Variants in NR4A3 observed in about 807,000 individuals in gnomAD.
NR4A3 encodes chondrosarcoma, extraskeletal myxoid, fused to EWS.
In NR4A3, 13 loss-of-function variants were observed where a neutral mutation model predicts 55.6. That is an observed-to-expected ratio of 0.23 (90% confidence interval 0.15 to 0.37). The LOEUF is 0.37. Ranked by LOEUF, NR4A3 falls within the 10% of genes least tolerant of loss-of-function variation. The probability of loss-of-function intolerance (pLI) is 1.00; values close to 1 mark genes in which losing one functional copy is unlikely to be tolerated. For missense variants in NR4A3, 646 were observed against 822.8 expected (o/e 0.79, Z 2.63); for synonymous variants, 342 against 357.9 (o/e 0.96, Z 0.50).
Position 99,828,960 on chromosome 9 carries a change from G to T in NR4A3, c.918G>T (p.Val306=). Residue 306 remains valine, a synonymous_variant, in exon 3 of 8, where the codon GTG becomes GTT. Coordinates refer to ENST00000395097, the MANE Select transcript of NR4A3 (RefSeq NM_006981.4). The surrounding 1 kb of genome is among the most constrained non-coding windows in gnomAD (Gnocchi z 7.7). The part of the protein sequence containing the change: ...GDNAACQHYG[V]RTCEGCKGFF... ...ACGCCGCCTGCCAGCACTACGGCGTGCGAACCTGCGAGGGCTGCAAGGGCT... is the reference window on the plus strand; with the variant it reads ...ACGCCGCCTGCCAGCACTACGGCGTTCGAACCTGCGAGGGCTGCAAGGGCT... 7.1e-7 allele frequency: 1 copy of T among 1,412,206 alleles called. No homozygotes were observed. Among genetic ancestry groups the T allele is most frequent in the Non-Finnish European group, 9.2e-7 (1 of 1,081,480 alleles). The allele number at this position is 1,412,206 out of a possible 1,614,324, so 87.5% of individuals were successfully genotyped here.
chr9:99,840,012 T>C (rs751165569), intron 5 of NR4A3, among the ~76,000 whole-genome samples: 2 of 152,252 alleles, frequency 1.3e-5, no homozygotes, highest in Non-Finnish European at 2.9e-5. Flanking sequence ...TAAAACGTTT[T>C]GTTCCGTTCC....
At position 99,833,263 on chromosome 9, in the gene NR4A3, T is replaced by A. The variant is rs1435750127; in HGVS notation, c.1082-19T>A. 6.4e-7 allele frequency: 1 copy of A among 1,561,572 alleles called. No individual in the cohort carries two copies. The highest frequency in any genetic ancestry group is 1.2e-5 in the South Asian group (1 of 84,216). On this transcript the variant is annotated intron_variant, in intron 4 of 7. Transcript: ENST00000395097. The stretch of plus-strand genomic sequence containing the variant: ...CCATAATCTTTGAAGATTGTTTTCT[T>A]TGTCTCTTTTGGCATCAGTTGTCCG...
intron 5 of NR4A3, among the ~76,000 whole-genome samples, chr9:99,836,523 T>TG (rs778417432): frequency 6.6e-5 from 10 of 152,346 alleles, no homozygotes; most frequent in Non-Finnish European, 1.5e-4. Context: ...TTACTGTTTC[T>TG]GGGAACTTGT....
At position 99,828,598 on chromosome 9, in the gene NR4A3, G is replaced by A. The variant is rs1387728457; in HGVS notation, c.556G>A (p.Ala186Thr). 6.5e-7 allele frequency: 1 copy of A among 1,547,580 alleles called. No homozygotes were observed. The highest frequency in any genetic ancestry group is 8.6e-7 in the Non-Finnish European group (1 of 1,157,220). Reference sequence around the variant, plus strand: ...GAAGGCGGTCCCCACGGTGGCCGGCGCGCGCTTCCCGCTCTTCCACTTCAA... The same window carrying A: ...GAAGGCGGTCCCCACGGTGGCCGGCACGCGCTTCCCGCTCTTCCACTTCAA... ...PMKAVPTVAG[A>T]RFPLFHFKPS... is the part of the protein sequence containing the mutation. Residue 186 changes from alanine to threonine, a missense_variant, in exon 3 of 8, where the codon GCG becomes ACG. By Grantham distance (58) the Ala-to-Thr change is moderately conservative (BLOSUM62 0). Transcript: ENST00000395097. This position sits in a 1 kb window ranked among gnomAD's most constrained non-coding sequence, Gnocchi z 7.7.
intron 5 of NR4A3, chr9:99,833,877 A>G: frequency 2.4e-6 from 3 of 1,254,694 alleles, no homozygotes; most frequent in Non-Finnish European, 3.0e-6. Context: ...GCATTGATTG[A>G]CCTGCTGCTT....
At chr9:99,834,897 A>G in intron 5 of NR4A3, 1 of 985,018 alleles carries the variant, frequency 1.0e-6, no homozygotes. Context: ...TCAAGTCTCA[A>G]ATAATAGTGT....
At position 99,844,367 on chromosome 9, in the gene NR4A3, C is replaced by G. The variant is rs796722099; in HGVS notation, c.1255-282C>G. On this transcript the variant is annotated intron_variant, in intron 5 of 7. Coordinates refer to ENST00000395097, the MANE Select transcript of NR4A3 (RefSeq NM_006981.4). Reference sequence around the variant, plus strand: ...AGACAAGAGTTGTTTCTTCAAGCTCCCCAGGTGATTGCACTGCACAGTCAA... The same window carrying G: ...AGACAAGAGTTGTTTCTTCAAGCTCGCCAGGTGATTGCACTGCACAGTCAA... Among the ~76,000 whole-genome samples the G allele has an allele frequency of 6.6e-5, 10 of 152,280 alleles. No homozygotes were observed. The East Asian group carries it at 1.7e-3, about 26-fold the overall frequency.
At chr9:99,850,386 T>C (rs777292332) in intron 7 of NR4A3, among the ~76,000 whole-genome samples, 1 of 152,112 alleles carries the variant, frequency 6.6e-6, no homozygotes, top group African/African-American at 2.4e-5. Context: ...TAAATGGAAA[T>C]TGACAGATAT....
Position 99,863,890 on chromosome 9 carries a change from C to T in NR4A3, c.*23C>T, listed in dbSNP as rs143681814. 1,232 of 1,600,694 alleles carry T rather than the reference C, an allele frequency of 7.7e-4. 12 individuals are homozygous for T. The African/African-American group carries it at 0.015, about 19-fold the overall frequency. ...TAATCAGGAGCAGTGGAGCAGTGAG[C>T]TGCCTCCTCTCCTAGCACCTGCTTG... On this transcript the variant is annotated 3_prime_UTR_variant, in exon 8 of 8. Coordinates refer to ENST00000395097, the MANE Select transcript of NR4A3 (RefSeq NM_006981.4).
At chr9:99,852,891 G>A (rs940257571) in intron 7 of NR4A3, among the ~76,000 whole-genome samples, 2 of 152,160 alleles carry the variant, frequency 1.3e-5, no homozygotes, top group Non-Finnish European at 2.9e-5. Flanking sequence ...TGGTTACCTG[G>A]TTACCCCTGC....
intron 5 of NR4A3, chr9:99,834,755 A>C (rs1587876960): frequency 1.0e-6 from 1 of 982,640 alleles, no homozygotes; most frequent in Non-Finnish European, 1.2e-6. Context: ...CCTCTTCCCC[A>C]CCCTCATTAT....
At position 99,829,016 on chromosome 9, in the gene NR4A3, C is replaced by T. The variant is rs377613134; in HGVS notation, c.951+23C>T. ...AAGGTGAGCGCACGCCGCCCCCTCCCCTCCGCACCCAGCCCCCTCACTGAA... is the reference window on the plus strand; with the variant it reads ...AAGGTGAGCGCACGCCGCCCCCTCCTCTCCGCACCCAGCCCCCTCACTGAA... On this transcript the variant is annotated intron_variant, in intron 3 of 7. Coordinates refer to ENST00000395097, the MANE Select transcript of NR4A3 (RefSeq NM_006981.4). 131 of 1,316,150 alleles carry T rather than the reference C, an allele frequency of 1.0e-4. 1 individual carries two copies. In the African/African-American group the frequency reaches 1.9e-3, roughly 19 times the overall value. 81.5% of individuals were successfully genotyped at this position (1,316,150 alleles called of 1,614,324 possible). A position where few individuals can be genotyped will look rare whatever the true frequency, so the allele number is the denominator to read the frequency against.
intron 5 of NR4A3, among the ~76,000 whole-genome samples, chr9:99,844,056 G>T (rs906968353): frequency 8.6e-6 from 1 of 115,784 alleles, no homozygotes; most frequent in Admixed American, 1.2e-4. Context: ...ATGAGCCACC[G>T]CCCAGGCCGA....
intron 7 of NR4A3, among the ~76,000 whole-genome samples, chr9:99,863,175 A>G (rs1828037742): frequency 6.6e-6 from 1 of 152,196 alleles, no homozygotes; most frequent in East Asian, 1.9e-4. Context: ...ATGTGTTTCT[A>G]TGTCACTCTG....
chr9:99,824,162 G>C (rs920268794), intron 1 of NR4A3, among the ~76,000 whole-genome samples: 6 of 152,200 alleles, frequency 3.9e-5, no homozygotes, highest in Non-Finnish European at 8.8e-5. Flanking sequence ...GTAACCGGCC[G>C]CTTGTGGGGT....
chr9:99,855,134 C>G (rs1056999247), intron 7 of NR4A3, among the ~76,000 whole-genome samples: 2 of 151,280 alleles, frequency 1.3e-5, no homozygotes, highest in African/African-American at 4.9e-5. Context: ...CTCTGTTTGT[C>G]TGTTGTTGGT....
chr9:99,824,032 G>A (rs1023468313), intron 1 of NR4A3, among the ~76,000 whole-genome samples: 1 of 152,074 alleles, frequency 6.6e-6, no homozygotes, highest in South Asian at 2.1e-4. Flanking sequence ...GAAAGAAAGG[G>A]GCTTTGACAG....
At position 99,833,474 on chromosome 9, in the gene NR4A3, G is replaced by C; in HGVS notation, c.1254+20G>C. 6.2e-7 allele frequency: 1 copy of C among 1,614,010 alleles called. No homozygotes were observed. Among genetic ancestry groups the C allele is most frequent in the African/African-American group, 1.3e-5 (1 of 75,020 alleles). On this transcript the variant is annotated intron_variant, in intron 5 of 7. Transcript: ENST00000395097. ...TCCAGAGTAAGTTTTATGATTTCCT[G>C]CTTTCAAATGAATGATCAGGGTCTC...
chr9:99,858,003 T>G (rs1827956515), intron 7 of NR4A3, among the ~76,000 whole-genome samples: 1 of 152,162 alleles, frequency 6.6e-6, no homozygotes, highest in Non-Finnish European at 1.5e-5. Context: ...AACAGATATT[T>G]ATTGGGTGTC....
Sources: gnomAD v4.1 joint callset for allele counts (sites outside exome capture counted in the v4.1 genomes callset) on GRCh38, gnomAD v4.1.1 for gene constraint, Gnocchi (gnomAD v3.1) non-coding constraint, MANE v1.5 for transcripts, NCBI Gene and HGNC (gene_info 2026-07-23, HGNC 2026-07-21) for gene names.